The following SELENOH variants were observed in gnomAD, a reference collection of about 807,000 sequenced individuals.
The protein encoded by SELENOH is chromosome 11 open reading frame 31.
SELENOH carries 13 observed loss-of-function variants against 11.9 expected under a neutral mutation model. That is an observed-to-expected ratio of 1.09 (90% CI 0.71 to 1.74). The LOEUF is 1.74. SELENOH is among the 40% of genes most tolerant of loss of function. SELENOH has a pLI of 0.00. For synonymous variants in SELENOH, 96 were observed against 73.5 expected, an observed-to-expected ratio of 1.31 and a Z score of -1.56; for missense variants, 223 against 170.3, an observed-to-expected ratio of 1.31 and a Z score of -1.72.
In SELENOH at chr11:57,741,503, C is replaced by A. The variant is rs890484945; in HGVS notation, c.-93C>A. 7 of 1,019,762 alleles carry A rather than the reference C, an allele frequency of 6.9e-6. No homozygotes were observed. In the African/African-American group the frequency reaches 1.0e-4, roughly 15 times the overall value. 63.2% of individuals were successfully genotyped at this position (1,019,762 alleles called of 1,614,324 possible). On this transcript the variant is annotated 5_prime_UTR_variant, in exon 1 of 4. In the 5' UTR this introduces an upstream ATG that the reference lacks. Transcript: ENST00000534355. The stretch of plus-strand genomic sequence containing the variant: ...CCGCTGTAGGAGCAGAGCTTCCGGG[C>A]TGCGCTCTTCGTTGCCCAGTTTCCG...
chr11:57,742,323 C>T (rs981677238), intron 3 of SELENOH, 76 bp downstream of exon 3: 1 of 1,135,620 alleles, frequency 8.8e-7, no homozygotes, highest in Non-Finnish European at 1.3e-6. Context: ...CTACAAGTAC[C>T]CACCTGGCGT....
chr11:57,741,765 G>T (rs759950859), intron 1 of SELENOH, 44 bp from the exon 2 acceptor site: 3 of 1,600,732 alleles, frequency 1.9e-6, no homozygotes, highest in Admixed American at 1.7e-5. Context: ...TGGCGCCGGG[G>T]GGGGCCAGGG....
chr11:57,742,608 T>C (rs1305864822), intron 3 of SELENOH: 3 of 247,032 alleles, frequency 1.2e-5, no homozygotes, highest in Non-Finnish European at 2.4e-5. Context: ...GTTCTGTTAC[T>C]GTCCTGTGTT....
chr11:57,743,158 A>C lies in SELENOH; in HGVS notation c.*326A>C, dbSNP rs954553663. ...ATGTGACCTGGAACTTTTAAAAAAA[A>C]ATTTTTTTTTAAGAGCCAGAGTCTC... On this transcript the variant is annotated 3_prime_UTR_variant, in exon 4 of 4. Transcript: ENST00000534355. 1 of 152,056 alleles carries C rather than the reference A, an allele frequency of 6.6e-6. No homozygotes were observed. Among genetic ancestry groups the C allele is most frequent in the African/African-American group, 2.4e-5 (1 of 41,316 alleles). 9.4% of individuals were successfully genotyped at this position (152,056 alleles called of 1,614,324 possible).
In SELENOH at chr11:57,742,257, G is replaced by T. The variant is rs779825709; in HGVS notation, c.*30+10G>T. 3.9e-6 allele frequency: 6 copies of T among 1,532,746 alleles called. No individual in the cohort carries two copies. In the African/African-American group the frequency reaches 5.5e-5, roughly 14 times the overall value. The allele number at this position is 1,532,746 out of a possible 1,614,324, so 94.9% of individuals were successfully genotyped here. ...AAGCCCTCATGCTGAGGTTTGAAAT[G>T]GGAAGTGGGGGGCGCGACCGCTGTT... On this transcript the variant is annotated intron_variant, in intron 3 of 3. Coordinates refer to ENST00000534355, the MANE Select transcript of SELENOH (RefSeq NM_170746.4).
At position 57,742,176 on chromosome 11, in the gene SELENOH, C is replaced by A. The variant is rs1949101504; in HGVS notation, c.328C>A (p.Pro110Thr). ...GPPRKLKFPE[P>T]QEVVEELKKY... ...CCCACGCAAACTCAAATTCCCTGAG[C>A]CTCAAGAGGTGGTGGAAGAGTTGAA... The change falls in exon 3 of 4, where the codon CCT becomes ACT. Residue 110 changes from proline (P) to threonine (T), a missense_variant. Coordinates refer to ENST00000534355, the MANE Select transcript of SELENOH (RefSeq NM_170746.4). 1 of 1,611,836 alleles carries A rather than the reference C, an allele frequency of 6.2e-7. No individual in the cohort carries two copies.
intron 1 of SELENOH, 35 bp from the exon 2 acceptor site, chr11:57,741,774 G>A (rs774698908): frequency 5.0e-6 from 8 of 1,601,370 alleles, no homozygotes; most frequent in Middle Eastern, 1.7e-4. Context: ...GGGGGGCCAG[G>A]GGCCCCGGTT....
rs752659016 is a variant in SELENOH at position 57,742,149 on chromosome 11, C to G, written c.301C>G (p.Pro101Ala). 16 of 1,611,646 alleles carry G rather than the reference C, an allele frequency of 9.9e-6. No homozygotes were observed. Among genetic ancestry groups the G allele is most frequent in the South Asian group, 6.6e-5 (6 of 90,460 alleles). Residue 101 changes from proline (P) to alanine (A), a missense_variant, in exon 3 of 4, where the codon CCC (proline) becomes GCC (alanine). Physicochemically the swap from Pro to Ala is conservative, Grantham distance 27 (BLOSUM62 -1). Coordinates refer to ENST00000534355, the MANE Select transcript of SELENOH (RefSeq NM_170746.4). ...AELWTGIKKG[P>A]PRKLKFPEPQ... Reference sequence around the variant, plus strand: ...GCTCTGGACTGGGATTAAGAAGGGGCCCCCACGCAAACTCAAATTCCCTGA... The same window carrying G: ...GCTCTGGACTGGGATTAAGAAGGGGGCCCCACGCAAACTCAAATTCCCTGA...
chr11:57,741,790 CCT>C lies in SELENOH; in HGVS notation c.123-15_123-14del. The C allele has an allele frequency of 6.2e-7, 1 of 1,603,618 alleles. No homozygotes were observed. The highest frequency in any genetic ancestry group is 1.1e-5 in the South Asian group (1 of 89,340). On this transcript the variant is annotated splice_polypyrimidine_tract_variant and intron_variant, in intron 1 of 3. Coordinates refer to ENST00000534355, the MANE Select transcript of SELENOH (RefSeq NM_170746.4). ...GGGGGCCAGGGGCCCCGGTTTCTAACCTCTCCGTCTCTCCCTAGCACTAGCTG... is the reference window on the plus strand; with the variant it reads ...GGGGGCCAGGGGCCCCGGTTTCTAACCTCCGTCTCTCCCTAGCACTAGCTG...
In SELENOH at chr11:57,741,549, C is replaced by G; in HGVS notation, c.-47C>G. 2 of 1,242,232 alleles carry G rather than the reference C, an allele frequency of 1.6e-6. No individual in the cohort carries two copies. The highest frequency in any genetic ancestry group is 2.0e-6 in the Non-Finnish European group (2 of 986,598). The allele number at this position is 1,242,232 out of a possible 1,614,324, so 77.0% of individuals were successfully genotyped here. A position where few individuals can be genotyped will look rare whatever the true frequency, so the allele number is the denominator to read the frequency against. Reference sequence around the variant, plus strand: ...TTCCGCTCAGTGGTCGCGTCTCCGCCCCCCACCCACCAGTCCCGCTGCATT... The same window carrying G: ...TTCCGCTCAGTGGTCGCGTCTCCGCGCCCCACCCACCAGTCCCGCTGCATT... On this transcript the variant is annotated 5_prime_UTR_variant, in exon 1 of 4. Coordinates refer to ENST00000534355, the MANE Select transcript of SELENOH (RefSeq NM_170746.4).
Position 57,742,091 on chromosome 11 carries a change from AACTTCGCTTCATTCTGG to A in SELENOH, c.269-25_269-9del. On this transcript the variant is annotated splice_polypyrimidine_tract_variant and intron_variant, in intron 2 of 3. Coordinates refer to ENST00000534355, the MANE Select transcript of SELENOH (RefSeq NM_170746.4). ...GTGCTCGTGGGTTCCGAAGTATTGTAACTTCGCTTCATTCTGGCCTTTCAGGTGCGGAGCTCTGGACT... is the reference window on the plus strand; with the variant it reads ...GTGCTCGTGGGTTCCGAAGTATTGTACCTTTCAGGTGCGGAGCTCTGGACT... 1 of 1,600,142 alleles carries A rather than the reference AACTTCGCTTCATTCTGG, an allele frequency of 6.2e-7. No individual in the cohort carries two copies. Among genetic ancestry groups the A allele is most frequent in the Non-Finnish European group, 8.5e-7 (1 of 1,172,108 alleles).
chr11:57,743,048 T>A lies in SELENOH; in HGVS notation c.*216T>A, dbSNP rs1186505148. 1 of 152,638 alleles carries A rather than the reference T, an allele frequency of 6.6e-6. No homozygotes were observed. Among genetic ancestry groups the A allele is most frequent in the South Asian group, 2.1e-4 (1 of 4,826 alleles). 9.5% of individuals were successfully genotyped at this position (152,638 alleles called of 1,614,324 possible). ...AAGTTGAAATAAAGTATTTGAGTAA[T>A]AGAGTAAAACTTAATCTTAAGGGAT... On this transcript the variant is annotated 3_prime_UTR_variant, in exon 4 of 4. Coordinates refer to ENST00000534355, the MANE Select transcript of SELENOH (RefSeq NM_170746.4).
chr11:57,742,015 G>T, intron 2 of SELENOH, 61 bp downstream of exon 2: 1 of 1,580,522 alleles, frequency 6.3e-7, no homozygotes, highest in Non-Finnish European at 8.6e-7. Flanking sequence ...GGGTTCCGAA[G>T]ACAGGAAGCG....
rs1036580369 is a variant in SELENOH at position 57,743,212 on chromosome 11, G to A, written c.*380G>A. 1 of 152,170 alleles carries A rather than the reference G, an allele frequency of 6.6e-6. No individual in the cohort carries two copies. Among genetic ancestry groups the A allele is most frequent in the African/African-American group, 2.4e-5 (1 of 41,426 alleles). The allele number at this position is 152,170 out of a possible 1,614,324, so 9.4% of individuals were successfully genotyped here. Reference sequence around the variant, plus strand: ...TTGTCACCCATGCTGGAGTATAGTGGTGCTATCTCGGCTCACTGCAACCAT... The same window carrying A: ...TTGTCACCCATGCTGGAGTATAGTGATGCTATCTCGGCTCACTGCAACCAT... On this transcript the variant is annotated 3_prime_UTR_variant, in exon 4 of 4. Transcript: ENST00000534355.
At chr11:57,742,481 C>T (rs958628773) in intron 3 of SELENOH, 2 of 458,490 alleles carry the variant, frequency 4.4e-6, no homozygotes, top group African/African-American at 2.0e-5. Context: ...AATTTATGTC[C>T]TTTGGGAGAC....
rs556280040 is a variant in SELENOH at position 57,741,923 on chromosome 11, C to G, written c.237C>G (p.Phe79Leu). 1 of 1,591,052 alleles carries G rather than the reference C, an allele frequency of 6.3e-7. No homozygotes were observed. The highest frequency in any genetic ancestry group is 1.1e-5 in the South Asian group (1 of 87,692). Reference protein sequence around the residue: ...VNPTKPRRGSFEVTLLRPDGS... With the variant: ...VNPTKPRRGSLEVTLLRPDGS... ...CGACGAAGCCCCGGAGGGGCAGCTT[C>G]GAGGTGACGCTGCTGCGCCCGGACG... Residue 79 changes from phenylalanine to leucine, a missense_variant, in exon 2 of 4, where the codon TTC becomes TTG. Phe to Leu is a conservative substitution (Grantham distance 22, BLOSUM62 0). Transcript: ENST00000534355.
Position 57,741,628 on chromosome 11 carries a change from G to A in SELENOH, c.33G>A (p.Glu11=), listed in dbSNP as rs1949073146. The change falls in exon 1 of 4, where the codon GAG becomes GAA. Residue 11 remains glutamate, a synonymous_variant. Transcript: ENST00000534355. MAPRGRKRKA[E]AAVVAVAEKR... ...CCCGCGGGAGGAAGCGTAAGGCTGA[G>A]GCCGCGGTGGTCGCCGTAGCCGAGA... 1 of 1,306,152 alleles carries A rather than the reference G, an allele frequency of 7.7e-7. No individual in the cohort carries two copies. The allele number at this position is 1,306,152 out of a possible 1,614,324, so 80.9% of individuals were successfully genotyped here.
intron 2 of SELENOH, 38 bp from the exon 3 acceptor site, chr11:57,742,079 C>T (rs766832316): frequency 6.3e-7 from 1 of 1,594,290 alleles, no homozygotes; most frequent in Non-Finnish European, 8.6e-7. Context: ...CTCGTGGGTT[C>T]CGAAGTATTG....
Position 57,742,110 on chromosome 11 carries a change from C to CT in SELENOH, c.269-4dup. ...TATTGTAACTTCGCTTCATTCTGGCCTTTCAGGTGCGGAGCTCTGGACTGG... is the reference window on the plus strand; with the variant it reads ...TATTGTAACTTCGCTTCATTCTGGCCTTTTCAGGTGCGGAGCTCTGGACTGG... On this transcript the variant is annotated splice_polypyrimidine_tract_variant and splice_region_variant and intron_variant, in intron 2 of 3. Transcript: ENST00000534355. 6.2e-7 allele frequency: 1 copy of CT among 1,608,944 alleles called. No homozygotes were observed. Among genetic ancestry groups the CT allele is most frequent in the Non-Finnish European group, 8.5e-7 (1 of 1,177,588 alleles).
Sources: gnomAD v4.1 joint callset for allele counts on GRCh38, gnomAD v4.1.1 for gene constraint, MANE v1.5 for transcripts, NCBI Gene and HGNC (gene_info 2026-07-23, HGNC 2026-07-21) for gene names.